The following CAMSAP2 variants were observed in gnomAD, a reference collection of about 807,000 sequenced individuals.
CAMSAP2 encodes calmodulin-regulated spectrin-associated protein 2.
Under a neutral mutation model 146.1 loss-of-function variants are expected in CAMSAP2, and 26 were observed. The ratio of observed to expected loss-of-function variants is 0.18; its 90% confidence interval spans 0.13 to 0.25. CAMSAP2 has a LOEUF of 0.25. CAMSAP2 is among the 10% of genes least tolerant of loss of function. The pLI, the probability that CAMSAP2 is intolerant of heterozygous loss-of-function variation, is 1.00. For synonymous variants in CAMSAP2, 499 were observed against 596.6 expected, an observed-to-expected ratio of 0.84 and a Z score of 2.38; for missense variants, 1,381 against 1,759.3, an observed-to-expected ratio of 0.78 and a Z score of 3.85.
At position 200,837,732 on chromosome 1, in the gene CAMSAP2, A is replaced by G. The variant is rs897588364; in HGVS notation, c.928-4262A>G. Among the ~76,000 whole-genome samples, 10 of 152,122 alleles carry G rather than the reference A, an allele frequency of 6.6e-5. No individual in the cohort carries two copies. The East Asian group carries it at 1.9e-3, about 29-fold the overall frequency. ...ATGGAATGTTTTTCCATTTGTTTGT[A>G]TCATCTCTGATTTCTTTGAGCAGTG... On this transcript the variant is annotated intron_variant, in intron 6 of 16. Coordinates refer to ENST00000358823, the MANE Select transcript of CAMSAP2 (RefSeq NM_203459.4).
chr1:200,776,246 T>TA (rs1399289877), intron 2 of CAMSAP2, among the ~76,000 whole-genome samples: 1 of 152,196 alleles, frequency 6.6e-6, no homozygotes, highest in Non-Finnish European at 1.5e-5. Context: ...TGTGGAGAAA[T>TA]ACTTGAGAGA....
chr1:200,830,595 A>G (rs991626822), intron 4 of CAMSAP2, among the ~76,000 whole-genome samples: 1 of 152,236 alleles, frequency 6.6e-6, no homozygotes, highest in Non-Finnish European at 1.5e-5. Flanking sequence ...GCTTAAGCCT[A>G]GAAGATACCG....
Position 200,832,388 on chromosome 1 carries a change from C to T in CAMSAP2, c.787+47C>T, listed in dbSNP as rs769060648. 5 of 1,543,324 alleles carry T rather than the reference C, an allele frequency of 3.2e-6. No homozygotes were observed. The African/African-American group carries it at 4.2e-5, about 13-fold the overall frequency. On this transcript the variant is annotated intron_variant, in intron 5 of 16. Transcript: ENST00000358823. This position sits in a 1 kb window ranked among gnomAD's most constrained non-coding sequence, Gnocchi z 4.2. ...TTCTGAACTGTAGACAGATAGTAAC[C>T]AATATTTAAGACAGTATTATTTTGC...
chr1:200,816,815 T>C (rs1401386211), intron 4 of CAMSAP2, among the ~76,000 whole-genome samples: 3 of 87,654 alleles, frequency 3.4e-5, no homozygotes, highest in African/African-American at 5.0e-5. Flanking sequence ...TGTATATATG[T>C]GTGTACACAC....
At chr1:200,756,899 C>G (rs1053826648) in intron 1 of CAMSAP2, among the ~76,000 whole-genome samples, 7 of 152,028 alleles carry the variant, frequency 4.6e-5, no homozygotes, top group Non-Finnish European at 2.9e-5. Flanking sequence ...GATCCTTGCC[C>G]TTTGGTCATA....
At chr1:200,793,015 A>G (rs1665795501) in intron 2 of CAMSAP2, among the ~76,000 whole-genome samples, 1 of 152,222 alleles carries the variant, frequency 6.6e-6, no homozygotes, top group Non-Finnish European at 1.5e-5. Context: ...TGTATGAGGA[A>G]TGAATTTTTA....
At chr1:200,759,879 G>A (rs1664753745) in intron 1 of CAMSAP2, among the ~76,000 whole-genome samples, 1 of 152,242 alleles carries the variant, frequency 6.6e-6, no homozygotes, top group South Asian at 2.1e-4. Context: ...AGGAGGAAGA[G>A]ATACAGGGTA....
chr1:200,766,601 A>T (rs1664959463), intron 2 of CAMSAP2, among the ~76,000 whole-genome samples: 1 of 152,230 alleles, frequency 6.6e-6, no homozygotes, highest in South Asian at 2.1e-4. Context: ...AGTATAGTTA[A>T]GTAGTGAAGG....
rs1328904585 is a variant in CAMSAP2 at position 200,843,669 on chromosome 1, GTTAC to G, written c.1022-1108_1022-1105del. 3.3e-5 allele frequency among the ~76,000 whole-genome samples: 5 copies of G among 152,170 alleles called. No individual in the cohort carries two copies. In the South Asian group the frequency reaches 6.2e-4, roughly 19 times the overall value. On this transcript the variant is annotated intron_variant, in intron 7 of 16. Coordinates refer to ENST00000358823, the MANE Select transcript of CAMSAP2 (RefSeq NM_203459.4). ...AAAGTAAATTGAGTCTTCCTCCAGA[GTTAC>G]TTACAAAAATAAAAGTATACCAGCA...
chr1:200,850,269 C>A (rs765547707), intron 11 of CAMSAP2, 35 bp downstream of exon 11: 2 of 1,502,896 alleles, frequency 1.3e-6, no homozygotes, highest in Non-Finnish European at 1.8e-6. Flanking sequence ...TGGGCATCTT[C>A]ATTAGATGAG....
At chr1:200,800,010 T>C (rs1665993390) in intron 2 of CAMSAP2, among the ~76,000 whole-genome samples, 1 of 152,226 alleles carries the variant, frequency 6.6e-6, no homozygotes, top group Non-Finnish European at 1.5e-5. Context: ...AGTCCTAATT[T>C]GATTGCACTG....
chr1:200,781,551 G>T (rs1558174389), intron 2 of CAMSAP2, among the ~76,000 whole-genome samples: 1 of 151,274 alleles, frequency 6.6e-6, no homozygotes, highest in Non-Finnish European at 1.5e-5. Flanking sequence ...GTTTGTTTTT[G>T]TTTTTTTTGA....
intron 1 of CAMSAP2, among the ~76,000 whole-genome samples, chr1:200,753,298 CAAAAAAA>C (rs35626597): frequency 9.9e-6 from 1 of 101,376 alleles, no homozygotes; most frequent in Non-Finnish European, 2.2e-5. Flanking sequence ...AACTCCATCT[CAAAAAAA>C]AAAAAAAAAA....
At chr1:200,856,184 G>A (rs757212702) in intron 15 of CAMSAP2, 59 bp downstream of exon 15, 1 of 1,239,246 alleles carries the variant, frequency 8.1e-7, no homozygotes, top group African/African-American at 1.5e-5. Context: ...TAAATGGAGG[G>A]TGTACTAAAG....
intron 4 of CAMSAP2, among the ~76,000 whole-genome samples, chr1:200,821,158 T>G (rs1242300036): frequency 2.6e-5 from 4 of 151,976 alleles, no homozygotes. Flanking sequence ...AATCTATCCA[T>G]ATGTAGCCTG....
intron 1 of CAMSAP2, among the ~76,000 whole-genome samples, chr1:200,758,078 T>C (rs962742494): frequency 6.6e-6 from 1 of 152,156 alleles, no homozygotes; most frequent in Admixed American, 6.5e-5. Flanking sequence ...TAAAATAAGG[T>C]AAGAGGGTTG....
intron 1 of CAMSAP2, among the ~76,000 whole-genome samples, chr1:200,746,569 A>C (rs913638182): frequency 1.3e-5 from 2 of 152,134 alleles, no homozygotes; most frequent in Non-Finnish European, 2.9e-5. Context: ...GATGAGAGCT[A>C]TAAGTGGTAA....
In CAMSAP2 at chr1:200,832,072, A is replaced by C; in HGVS notation, c.646-128A>C. 1 of 723,762 alleles carries C rather than the reference A, an allele frequency of 1.4e-6. No homozygotes were observed. Among genetic ancestry groups the C allele is most frequent in the South Asian group, 2.2e-5 (1 of 45,822 alleles). The allele number at this position is 723,762 out of a possible 1,614,324, so 44.8% of individuals were successfully genotyped here. On this transcript the variant is annotated intron_variant, in intron 4 of 16. Coordinates refer to ENST00000358823, the MANE Select transcript of CAMSAP2 (RefSeq NM_203459.4). The surrounding 1 kb of genome is among the most constrained non-coding windows in gnomAD (Gnocchi z 4.2). ...CCTAGCGTTATTTAGAAAAAAAGAA[A>C]TATTGGTGAGTGGTCTCATTTCTCA...
intron 4 of CAMSAP2, among the ~76,000 whole-genome samples, chr1:200,818,132 A>G (rs1666655121): frequency 6.6e-6 from 1 of 152,214 alleles, no homozygotes; most frequent in Non-Finnish European, 1.5e-5. Flanking sequence ...AACACTAATG[A>G]AATTTCTCTA....
Sources: allele counts gnomAD v4.1 joint callset (sites outside exome capture counted in the v4.1 genomes callset), GRCh38; gene constraint gnomAD v4.1.1; non-coding constraint Gnocchi (gnomAD v3.1); transcripts MANE v1.5; gene names NCBI Gene and HGNC (gene_info 2026-07-23, HGNC 2026-07-21).